Variants in MCTP1 observed in about 807,000 individuals in gnomAD.
MCTP1 encodes multiple C2 and transmembrane domain containing 1, also known as multiple C2 and transmembrane domain-containing protein 1.
In MCTP1, 69 loss-of-function variants were observed where a neutral mutation model predicts 120.6. That is an observed-to-expected ratio of 0.57 (90% CI 0.47 to 0.70). MCTP1 has a LOEUF of 0.70. MCTP1 is among the 30% of genes least tolerant of loss of function. The pLI, the probability that MCTP1 is intolerant of heterozygous loss-of-function variation, is 0.00. For synonymous variants in MCTP1, 529 were observed against 493.1 expected, an observed-to-expected ratio of 1.07 and a Z score of -0.96; for missense variants, 1,203 against 1,248.8, an observed-to-expected ratio of 0.96 and a Z score of 0.55.
chr5:94,844,301 CAAA>C (rs59169145), intron 17 of MCTP1, among the ~76,000 whole-genome samples: 7 of 79,696 alleles, frequency 8.8e-5, no homozygotes, highest in East Asian at 6.5e-4. Flanking sequence ...GACTCTGTCT[CAAA>C]AAAAAAAAAA....
At chr5:94,826,415 T>C (rs1787075142) in intron 17 of MCTP1, 2 of 653,418 alleles carry the variant, frequency 3.1e-6, no homozygotes, top group East Asian at 6.4e-5. Flanking sequence ...ATACCTCTGA[T>C]CCTGATGACA....
At chr5:95,192,315 T>C (rs1749914554) in intron 1 of MCTP1, among the ~76,000 whole-genome samples, 1 of 151,998 alleles carries the variant, frequency 6.6e-6, no homozygotes, top group Admixed American at 6.6e-5. Context: ...TTTGACATGT[T>C]TTTTCCTTTA....
intron 6 of MCTP1, among the ~76,000 whole-genome samples, chr5:94,927,789 T>A (rs1227426391): frequency 6.6e-6 from 1 of 152,190 alleles, no homozygotes; most frequent in Non-Finnish European, 1.5e-5. Context: ...CCTGCAGACT[T>A]ACAGAGTTGA....
intron 11 of MCTP1, among the ~76,000 whole-genome samples, chr5:94,890,184 T>G (rs1802273329): frequency 6.6e-6 from 1 of 152,108 alleles, no homozygotes; most frequent in Non-Finnish European, 1.5e-5. Context: ...AAAATTAAAA[T>G]TCTGTAGAAA....
intron 17 of MCTP1, among the ~76,000 whole-genome samples, chr5:94,847,604 A>C (rs1792693913): frequency 6.7e-6 from 1 of 148,406 alleles, no homozygotes; most frequent in Non-Finnish European, 1.5e-5. Flanking sequence ...GAGATGTAGG[A>C]GGGGGTAAAA....
chr5:94,710,795 G>T (rs376596091), intron 21 of MCTP1, 23 bp downstream of exon 21: 1 of 1,486,822 alleles, frequency 6.7e-7, no homozygotes, highest in Non-Finnish European at 9.4e-7. Flanking sequence ...ACAGTTTGGG[G>T]GAGTGGGGGA....
intron 18 of MCTP1, among the ~76,000 whole-genome samples, chr5:94,783,878 C>T (rs1777078028): frequency 1.3e-5 from 2 of 152,054 alleles, no homozygotes; most frequent in African/African-American, 4.8e-5. Context: ...TGCAACCAAA[C>T]CTTTCAAAAG....
intron 1 of MCTP1, among the ~76,000 whole-genome samples, chr5:95,224,950 T>A (rs1183851328): frequency 6.6e-6 from 1 of 152,194 alleles, no homozygotes; most frequent in Non-Finnish European, 1.5e-5. Flanking sequence ...CATGTATAAA[T>A]GACAACATGC....
At chr5:94,980,043 G>C (rs1829054809) in intron 2 of MCTP1, among the ~76,000 whole-genome samples, 1 of 151,988 alleles carries the variant, frequency 6.6e-6, no homozygotes, top group African/African-American at 2.4e-5. Context: ...GTGATCAACA[G>C]TTTACTCCAA....
At chr5:94,883,942 A>G (rs548538659) in intron 12 of MCTP1, among the ~76,000 whole-genome samples, 5 of 152,360 alleles carry the variant, frequency 3.3e-5, no homozygotes, top group Admixed American at 2.6e-4. Flanking sequence ...CCAACTGTAT[A>G]TAAAACTTTC....
chr5:95,097,625 T>C (rs995023350), intron 1 of MCTP1, among the ~76,000 whole-genome samples: 1 of 152,178 alleles, frequency 6.6e-6, no homozygotes, highest in African/African-American at 2.4e-5. Context: ...AAGTTTCTCA[T>C]CTCTTTTAGA....
chr5:95,052,635 C>T (rs1746313126), intron 1 of MCTP1, among the ~76,000 whole-genome samples: 1 of 152,122 alleles, frequency 6.6e-6, no homozygotes, highest in Admixed American at 6.6e-5. Flanking sequence ...CCTCTGATTG[C>T]AGCAGGGGAG....
chr5:95,219,802 C>T (rs1373721701), intron 1 of MCTP1, among the ~76,000 whole-genome samples: 1 of 152,186 alleles, frequency 6.6e-6, no homozygotes, highest in Non-Finnish European at 1.5e-5. Context: ...GTAACTGTCC[C>T]TTCATTTGAC....
intron 2 of MCTP1, among the ~76,000 whole-genome samples, chr5:95,014,192 G>A (rs1430541088): frequency 3.3e-5 from 5 of 152,100 alleles, no homozygotes; most frequent in Non-Finnish European, 7.4e-5. Flanking sequence ...GAGTTCAGGA[G>A]TTGGAGGTTA....
At chr5:94,897,634 G>C (rs1804401648) in intron 10 of MCTP1, among the ~76,000 whole-genome samples, 1 of 152,028 alleles carries the variant, frequency 6.6e-6, no homozygotes, top group Non-Finnish European at 1.5e-5. Flanking sequence ...CAAAGTGCTG[G>C]GATTACAGGC....
intron 17 of MCTP1, chr5:94,867,292 C>T: frequency 6.5e-7 from 1 of 1,531,280 alleles, no homozygotes. Flanking sequence ...GGGAAGCAGG[C>T]TGCCTAACTT....
chr5:94,935,883 T>C (rs536731686), intron 5 of MCTP1, among the ~76,000 whole-genome samples: 2 of 152,194 alleles, frequency 1.3e-5, no homozygotes, highest in South Asian at 4.1e-4. Context: ...TCTGAATAAT[T>C]TGTGAAAGTT....
In MCTP1 at chr5:94,805,001, C is replaced by G. The variant is rs556775173; in HGVS notation, c.2437-5869G>C. ...AAATTCATTATTACTAGTAAATGGCCGAAACATTAAAGATTCTGTGAACTC... is the reference window on the plus strand; with the variant it reads ...AAATTCATTATTACTAGTAAATGGCGGAAACATTAAAGATTCTGTGAACTC... On this transcript the variant is annotated intron_variant, in intron 17 of 22. Coordinates refer to ENST00000515393, the MANE Select transcript of MCTP1 (RefSeq NM_024717.7). Among the ~76,000 whole-genome samples, 152 of 151,962 alleles carry G rather than the reference C, an allele frequency of 1.0e-3. 3 individuals carry two copies. The South Asian group carries it at 0.012, about 12-fold the overall frequency.
chr5:95,055,471 TA>T (rs1198355070), intron 1 of MCTP1, among the ~76,000 whole-genome samples: 4 of 152,184 alleles, frequency 2.6e-5, no homozygotes, highest in African/African-American at 9.6e-5. Flanking sequence ...TCTAAGCATT[TA>T]AAAAATATTA....
Sources: allele counts gnomAD v4.1 joint callset (sites outside exome capture counted in the v4.1 genomes callset), GRCh38; gene constraint gnomAD v4.1.1; transcripts MANE v1.5; gene names NCBI Gene and HGNC (gene_info 2026-07-23, HGNC 2026-07-21).